The following SLC30A4 variants were observed in gnomAD, a reference collection of about 807,000 sequenced individuals.
SLC30A4 encodes the protein solute carrier family 30 member 4.
SLC30A4 carries 20 observed loss-of-function variants against 41.7 expected under a neutral mutation model. The ratio of observed to expected loss-of-function variants is 0.48; its 90% CI spans 0.34 to 0.70. SLC30A4 has a LOEUF of 0.70. Ranked by LOEUF, SLC30A4 falls within the 30% of genes least tolerant of loss-of-function variation. The probability of loss-of-function intolerance (pLI) is 0.01; values close to 1 mark genes in which losing one functional copy is unlikely to be tolerated. For synonymous variants in SLC30A4, 181 were observed against 195.9 expected (o/e 0.92, Z 0.64); for missense variants, 441 against 529.3 (o/e 0.83, Z 1.64).
intron 4 of SLC30A4, among the ~76,000 whole-genome samples, chr15:45,489,631 A>C (rs1477389547): frequency 1.3e-5 from 1 of 77,746 alleles, no homozygotes; most frequent in Non-Finnish European, 2.3e-5. Context: ...GGGTGGGGGG[A>C]GGGGGGAGGG....
intron 3 of SLC30A4, among the ~76,000 whole-genome samples, chr15:45,510,376 C>T (rs1892259822): frequency 6.6e-6 from 1 of 152,028 alleles, no homozygotes; most frequent in Admixed American, 6.6e-5. Flanking sequence ...GATATATTAG[C>T]CAGGAGCATC....
intron 4 of SLC30A4, among the ~76,000 whole-genome samples, chr15:45,490,016 T>C (rs1891779556): frequency 6.6e-6 from 1 of 152,202 alleles, no homozygotes; most frequent in Non-Finnish European, 1.5e-5. Flanking sequence ...AAATATTTAC[T>C]ATCTAGCCTT....
chr15:45,500,664 A>ATCTATC (rs757724880), intron 3 of SLC30A4, among the ~76,000 whole-genome samples: 16 of 131,858 alleles, frequency 1.2e-4, no homozygotes, highest in Admixed American at 3.8e-4. Flanking sequence ...ATCTATCTAT[A>ATCTATC]TGTTTTTGTT....
intron 3 of SLC30A4, among the ~76,000 whole-genome samples, chr15:45,491,598 T>C (rs889152527): frequency 3.9e-5 from 6 of 152,192 alleles, no homozygotes; most frequent in Admixed American, 3.3e-4. Flanking sequence ...AAATGGGTAA[T>C]GTGCCAACGT....
At chr15:45,492,227 A>C (rs933881409) in intron 3 of SLC30A4, among the ~76,000 whole-genome samples, 1 of 151,900 alleles carries the variant, frequency 6.6e-6, no homozygotes, top group African/African-American at 2.4e-5. Context: ...AAAAAAAAAA[A>C]AAAACTCTGG....
In SLC30A4 at chr15:45,522,648, C is replaced by G. The variant is rs1210705722; in HGVS notation, c.-156G>C. On this transcript the variant is annotated 5_prime_UTR_variant, in exon 1 of 8. Transcript: ENST00000261867. ...GGGCCGCAACTCATCTCCCCGCCCC[C>G]GGCCGGCTCAGCGAGGCGGGCTCGC... 1.6e-5 allele frequency: 4 copies of G among 258,028 alleles called. No individual in the cohort carries two copies. The highest frequency in any genetic ancestry group is 2.9e-5 in the Non-Finnish European group (4 of 138,672). 16.0% of individuals were successfully genotyped at this position (258,028 alleles called of 1,614,324 possible). A position where few individuals can be genotyped will look rare whatever the true frequency, so the allele number is the denominator to read the frequency against.
Position 45,488,836 on chromosome 15 carries a change from AT to A in SLC30A4, c.894+4del. 1.2e-6 allele frequency: 2 copies of A among 1,607,054 alleles called. No homozygotes were observed. The highest frequency in any genetic ancestry group is 1.7e-6 in the Non-Finnish European group (2 of 1,174,884). ...TTAAAATAGAAAAATTACCAATCAT[AT>A]TACCTTGAATCGTATGATGTATGCA... is the stretch of plus-strand genomic sequence containing the variant. On this transcript the variant is annotated splice_donor_region_variant and intron_variant, in intron 5 of 7. Transcript: ENST00000261867.
rs768529903 is a variant in SLC30A4 at position 45,522,146 on chromosome 15, T to A, written c.209A>T (p.Gln70Leu). ...GTCCAGTAAGGAATCATCGTCGGCC[T>A]GGAGGGTCGGGTGCGCCCCGTTAAC... is the stretch of plus-strand genomic sequence containing the variant. ...RPVNGAHPTL[Q>L]ADDDSLLDQD... Residue 70 changes from glutamine to leucine, a missense_variant, in exon 2 of 8, where the codon CAG becomes CTG. By Grantham distance (113) the Gln-to-Leu change is moderately radical. Coordinates refer to ENST00000261867, the MANE Select transcript of SLC30A4 (RefSeq NM_013309.6). 6.2e-7 allele frequency: 1 copy of A among 1,614,248 alleles called. No individual in the cohort carries two copies. Among genetic ancestry groups the A allele is most frequent in the South Asian group, 1.1e-5 (1 of 91,082 alleles).
At position 45,484,897 on chromosome 15, in the gene SLC30A4, A is replaced by G; in HGVS notation, c.*266T>C. On this transcript the variant is annotated 3_prime_UTR_variant, in exon 8 of 8. Coordinates refer to ENST00000261867, the MANE Select transcript of SLC30A4 (RefSeq NM_013309.6). ...TCAAGTTAATGAAGTATGATCTTGG[A>G]TTGTCTTCTATGAGGTATCTGTAGA... 2 of 371,332 alleles carry G rather than the reference A, an allele frequency of 5.4e-6. No homozygotes were observed. Among genetic ancestry groups the G allele is most frequent in the Non-Finnish European group, 9.6e-6 (2 of 208,600 alleles). The allele number at this position is 371,332 out of a possible 1,614,324, so 23.0% of individuals were successfully genotyped here.
In SLC30A4 at chr15:45,497,884, C is replaced by CTA. The variant is rs556879433; in HGVS notation, c.539-7005_539-7004dup. Among the ~76,000 whole-genome samples, 265 of 152,144 alleles carry CTA rather than the reference C, an allele frequency of 1.7e-3. 14 individuals carry two copies. The South Asian group carries it at 0.045, about 26-fold the overall frequency. The stretch of plus-strand genomic sequence containing the variant: ...ACATATGTACTACCTATTTCCCCAC[C>CTA]TATACTATTATTCATTCATTCAACA... On this transcript the variant is annotated intron_variant, in intron 3 of 7. Coordinates refer to ENST00000261867, the MANE Select transcript of SLC30A4 (RefSeq NM_013309.6).
In SLC30A4 at chr15:45,520,598, C is replaced by G. The variant is rs527686458; in HGVS notation, c.391+1366G>C. ...CCGGGGTGTCTTTTTAAATAAGACA[C>G]GAATGACAAGAAACTGGCCAAGAAA... On this transcript the variant is annotated intron_variant, in intron 2 of 7. Coordinates refer to ENST00000261867, the MANE Select transcript of SLC30A4 (RefSeq NM_013309.6). 2.0e-5 allele frequency among the ~76,000 whole-genome samples: 3 copies of G among 152,038 alleles called. No individual in the cohort carries two copies. The South Asian group carries it at 6.2e-4, about 32-fold the overall frequency.
At position 45,484,416 on chromosome 15, in the gene SLC30A4, T is replaced by C. The variant is rs546417201; in HGVS notation, c.*747A>G. ...AAATCATCATATAGTAATTTGAGTT[T>C]AAGACTAACTTCAGCCATTCAGAAT... On this transcript the variant is annotated 3_prime_UTR_variant, in exon 8 of 8. Coordinates refer to ENST00000261867, the MANE Select transcript of SLC30A4 (RefSeq NM_013309.6). 2.0e-5 allele frequency: 3 copies of C among 152,334 alleles called. 1 individual carries two copies. The East Asian group carries it at 5.8e-4, about 29-fold the overall frequency. 9.4% of individuals were successfully genotyped at this position (152,334 alleles called of 1,614,324 possible).
intron 3 of SLC30A4, among the ~76,000 whole-genome samples, chr15:45,494,516 C>G (rs1456759909): frequency 6.6e-6 from 1 of 152,110 alleles, no homozygotes; most frequent in African/African-American, 2.4e-5. Flanking sequence ...AAAACCCCAT[C>G]TCTACTAAAA....
At chr15:45,520,519 CCCACCTCGG>C (rs1026411999) in intron 2 of SLC30A4, among the ~76,000 whole-genome samples, 90 of 152,286 alleles carry the variant, frequency 5.9e-4, no homozygotes, top group African/African-American at 2.1e-3. Context: ...AGGTGATCCA[CCCACCTCGG>C]CCTCCCAAAG....
chr15:45,491,316 TCAAATTATGTATATTTACAGAC>T (rs568234849), intron 3 of SLC30A4, among the ~76,000 whole-genome samples: 1 of 152,304 alleles, frequency 6.6e-6, no homozygotes, highest in South Asian at 2.1e-4. Flanking sequence ...CTCTCCAGGG[TCAAATTATGTATATTTACAGAC>T]CATGCACAAG....
chr15:45,512,609 A>G (rs1487602513), intron 2 of SLC30A4, among the ~76,000 whole-genome samples: 5 of 152,228 alleles, frequency 3.3e-5, no homozygotes, highest in Non-Finnish European at 5.9e-5. Context: ...AAAAAGCTGG[A>G]AAGCACCAAG....
chr15:45,522,034 C>G lies in SLC30A4; in HGVS notation c.321G>C (p.Gln107His). 1 of 1,614,222 alleles carries G rather than the reference C, an allele frequency of 6.2e-7. No homozygotes were observed. The highest frequency in any genetic ancestry group is 1.1e-5 in the South Asian group (1 of 91,082). Residue 107 changes from glutamine to histidine, a missense_variant, in exon 2 of 8, where the codon CAG (glutamine) becomes CAC (histidine). By Grantham distance (24) the Gln-to-His change is conservative (BLOSUM62 0). Around this residue, in one of 3 missense-constraint regions of SLC30A4, gnomAD observed 312 missense variants for 341.9 expected, o/e 0.91. Transcript: ENST00000261867. Reference sequence around the variant, plus strand: ...TGGTCAACCTGGCTTTCACCTTTCTCTGCTTCAGTATCTCTCTCTGTTTGC... The same window carrying G: ...TGGTCAACCTGGCTTTCACCTTTCTGTGCTTCAGTATCTCTCTCTGTTTGC... Reference protein sequence around the residue: ...NCSKQREILKQRKVKARLTIA... With the variant: ...NCSKQREILKHRKVKARLTIA...
At chr15:45,514,645 G>T (rs1199271856) in intron 2 of SLC30A4, among the ~76,000 whole-genome samples, 1 of 151,142 alleles carries the variant, frequency 6.6e-6, no homozygotes, top group Non-Finnish European at 1.5e-5. Flanking sequence ...CTCCCGAGTA[G>T]CTGGGATTGC....
intron 2 of SLC30A4, among the ~76,000 whole-genome samples, chr15:45,520,078 A>G (rs1391564217): frequency 6.6e-6 from 1 of 152,194 alleles, no homozygotes; most frequent in Non-Finnish European, 1.5e-5. Context: ...GGTGCTAGGA[A>G]TTCAGCCTGT....
Sources: allele counts gnomAD v4.1 joint callset (sites outside exome capture counted in the v4.1 genomes callset), GRCh38; gene constraint gnomAD v4.1.1; regional missense constraint gnomAD v4.1.1; transcripts MANE v1.5; gene names NCBI Gene and HGNC (gene_info 2026-07-23, HGNC 2026-07-21).